Variants in KCNB2 observed in about 807,000 individuals in gnomAD.
KCNB2 encodes the protein potassium voltage-gated channel subfamily B member 2.
Under a neutral mutation model 61.5 loss-of-function variants are expected in KCNB2, and 15 were observed. That is an observed-to-expected ratio of 0.24 (90% CI 0.16 to 0.38). The LOEUF (loss-of-function observed/expected upper bound fraction) is 0.38, where lower values mean the gene tolerates loss of function less well. Ranked by LOEUF, KCNB2 falls within the 10% of genes least tolerant of loss-of-function variation. The pLI, the probability that KCNB2 is intolerant of heterozygous loss-of-function variation, is 1.00. For synonymous variants in KCNB2, 457 were observed against 446.0 expected (o/e 1.02, Z -0.31); for missense variants, 828 against 1,125.2 (o/e 0.74, Z 3.78).
At chr8:72,747,874 TAG>T (rs1808105737) in intron 2 of KCNB2, among the ~76,000 whole-genome samples, 1 of 152,218 alleles carries the variant, frequency 6.6e-6, no homozygotes, top group Non-Finnish European at 1.5e-5. Context: ...CTTTTTATTT[TAG>T]AGAGCAATTG....
rs142255214 is a variant in KCNB2 at position 72,575,339 on chromosome 8, T to C, written c.579+7026T>C. Among the ~76,000 whole-genome samples, 275 of 150,830 alleles carry C rather than the reference T, an allele frequency of 1.8e-3. 1 individual carries two copies. Among genetic ancestry groups the C allele is most frequent in the African/African-American group, 6.3e-3 (259 of 41,148 alleles). ...GATATATTAATACTCATACTATTGA[T>C]TAGCATTGTGATTGTGATATGGTAT... On this transcript the variant is annotated intron_variant, in intron 2 of 2. Coordinates refer to ENST00000523207, the MANE Select transcript of KCNB2 (RefSeq NM_004770.3).
chr8:72,666,831 A>T (rs1055833678), intron 2 of KCNB2, among the ~76,000 whole-genome samples: 5 of 152,074 alleles, frequency 3.3e-5, no homozygotes, highest in Admixed American at 3.3e-4. Flanking sequence ...TTTTTCCTGA[A>T]CATGAAAATT....
In KCNB2 at chr8:72,937,961, A is replaced by G. The variant is rs756626610; in HGVS notation, c.2606A>G (p.His869Arg). Residue 869 changes from histidine to arginine, a missense_variant, in exon 3 of 3, where the codon CAT (histidine) becomes CGT (arginine). Physicochemically the swap from His to Arg is conservative, Grantham distance 29. This residue lies in a region of KCNB2 where 559 missense variants were observed against 588.4 expected (regional missense o/e 0.95). Coordinates refer to ENST00000523207, the MANE Select transcript of KCNB2 (RefSeq NM_004770.3). ...CACAACTGTAGGCAAGACATTTACC[A>G]TGCTGTGAGTGAAGTCAAAAAGGAC... ...TGHNCRQDIY[H>R]AVSEVKKDSS... 34 of 1,613,982 alleles carry G rather than the reference A, an allele frequency of 2.1e-5. No individual in the cohort carries two copies. Among genetic ancestry groups the G allele is most frequent in the Non-Finnish European group, 2.9e-5 (34 of 1,180,010 alleles).
At chr8:72,741,757 T>C (rs1053943936) in intron 2 of KCNB2, among the ~76,000 whole-genome samples, 1 of 152,172 alleles carries the variant, frequency 6.6e-6, no homozygotes, top group Admixed American at 6.6e-5. Flanking sequence ...TTTGTTCTTT[T>C]TTATGGCTGA....
At chr8:72,751,477 A>C (rs2128995696) in intron 2 of KCNB2, 1 of 152,270 alleles carries the variant, frequency 6.6e-6, no homozygotes, top group Admixed American at 6.5e-5. Context: ...AGAACCCAAA[A>C]GTTTAGCCTC....
At chr8:72,640,858 T>C (rs116726812) in intron 2 of KCNB2, among the ~76,000 whole-genome samples, 2,156 of 152,236 alleles carry the variant, frequency 0.014, 45 homozygotes, top group African/African-American at 0.049. Flanking sequence ...AATTCAATTT[T>C]ATAGTAGAAG....
At chr8:72,753,666 A>G (rs1808240084) in intron 2 of KCNB2, among the ~76,000 whole-genome samples, 1 of 152,216 alleles carries the variant, frequency 6.6e-6, no homozygotes, top group African/African-American at 2.4e-5. Flanking sequence ...AGCTTGATAG[A>G]CTTGCCTTCA....
chr8:72,774,646 G>C (rs949317470), intron 2 of KCNB2, among the ~76,000 whole-genome samples: 37 of 152,068 alleles, frequency 2.4e-4, no homozygotes, highest in African/African-American at 8.9e-4. Context: ...ACCGCACCCA[G>C]CCCTGTCATC....
At chr8:72,855,064 C>CA (rs1261641862) in intron 2 of KCNB2, among the ~76,000 whole-genome samples, 1 of 152,180 alleles carries the variant, frequency 6.6e-6, no homozygotes, top group Non-Finnish European at 1.5e-5. Context: ...GTCCTCCACA[C>CA]ACCTGCCTCT....
At chr8:72,627,003 T>C (rs1805801164) in intron 2 of KCNB2, among the ~76,000 whole-genome samples, 2 of 152,236 alleles carry the variant, frequency 1.3e-5, no homozygotes, top group East Asian at 1.9e-4. Flanking sequence ...TAGGAAACCA[T>C]TGTGTGTTAA....
chr8:72,555,197 A>G (rs1183206985), intron 1 of KCNB2, among the ~76,000 whole-genome samples: 1 of 152,006 alleles, frequency 6.6e-6, no homozygotes, highest in East Asian at 1.9e-4. Context: ...AGATAATAAT[A>G]CCCATCCCAA....
chr8:72,698,268 C>CCACA (rs71267909), intron 2 of KCNB2, among the ~76,000 whole-genome samples: 1 of 150,800 alleles, frequency 6.6e-6, no homozygotes, highest in East Asian at 2.0e-4. Context: ...TTTGTAATAG[C>CCACA]CACACACACA....
intron 2 of KCNB2, among the ~76,000 whole-genome samples, chr8:72,794,830 T>C (rs1164470593): frequency 6.6e-6 from 1 of 152,144 alleles, no homozygotes; most frequent in Non-Finnish European, 1.5e-5. Flanking sequence ...TGAGATGGCT[T>C]AAGAGTATCT....
intron 1 of KCNB2, among the ~76,000 whole-genome samples, chr8:72,560,175 T>C (rs574689400): frequency 3.3e-5 from 5 of 152,322 alleles, no homozygotes; most frequent in Admixed American, 3.3e-4. Context: ...AACTGAGAAA[T>C]AGTCCTTGTA....
intron 2 of KCNB2, among the ~76,000 whole-genome samples, chr8:72,649,526 A>C (rs1806181530): frequency 6.6e-6 from 1 of 152,164 alleles, no homozygotes; most frequent in Non-Finnish European, 1.5e-5. Context: ...ACTGTACCCC[A>C]AACTTCAGTA....
chr8:72,891,541 G>A (rs748286831), intron 2 of KCNB2, among the ~76,000 whole-genome samples: 80 of 152,204 alleles, frequency 5.3e-4, no homozygotes, highest in Non-Finnish European at 1.0e-3. Context: ...CCTTTCCAAT[G>A]TAGTATCAAG....
At chr8:72,787,614 C>T (rs1046658860) in intron 2 of KCNB2, among the ~76,000 whole-genome samples, 26 of 152,008 alleles carry the variant, frequency 1.7e-4, no homozygotes, top group African/African-American at 6.3e-4. Flanking sequence ...ACTCTTTTCA[C>T]TTTGAAGGAA....
rs182654317 is a variant in KCNB2 at position 72,657,134 on chromosome 8, G to T, written c.579+88821G>T. Among the ~76,000 whole-genome samples, 3 of 152,216 alleles carry T rather than the reference G, an allele frequency of 2.0e-5. No individual in the cohort carries two copies. In the East Asian group the frequency reaches 5.8e-4, roughly 29 times the overall value. On this transcript the variant is annotated intron_variant, in intron 2 of 2. Transcript: ENST00000523207. Reference sequence around the variant, plus strand: ...GTTTAAAACATATGGTAGGCACAGTGCAAACTACACAGATTGAAATACAGT... The same window carrying T: ...GTTTAAAACATATGGTAGGCACAGTTCAAACTACACAGATTGAAATACAGT...
chr8:72,736,965 TTAC>T (rs1807857030), intron 2 of KCNB2, among the ~76,000 whole-genome samples: 1 of 152,144 alleles, frequency 6.6e-6, no homozygotes, highest in South Asian at 2.1e-4. Context: ...TTTATGTATG[TTAC>T]ATGTTAACCT....
Sources: gnomAD v4.1 joint callset for allele counts (sites outside exome capture counted in the v4.1 genomes callset) on GRCh38, gnomAD v4.1.1 for gene constraint, gnomAD v4.1.1 regional missense constraint, MANE v1.5 for transcripts, NCBI Gene and HGNC (gene_info 2026-07-23, HGNC 2026-07-21) for gene names.